The following PSG4 variants were observed in gnomAD, a reference collection of about 807,000 sequenced individuals.
PSG4 encodes the protein pregnancy specific beta-1-glycoprotein 4, also known as pregnancy-specific beta-1-glycoprotein 4.
In PSG4, 61 loss-of-function variants were observed where a neutral mutation model predicts 44.3. That is an observed-to-expected ratio of 1.38 (90% confidence interval 1.12 to 1.70). The LOEUF is 1.70. Ranked by LOEUF, PSG4 falls within the 40% of genes most tolerant of loss-of-function variation. The probability of loss-of-function intolerance (pLI) is 0.00; values close to 1 mark genes in which losing one functional copy is unlikely to be tolerated. For synonymous variants in PSG4, 248 were observed against 191.3 expected, an observed-to-expected ratio of 1.30 and a Z score of -2.45; for missense variants, 677 against 511.7, an observed-to-expected ratio of 1.32 and a Z score of -3.12.
At chr19:43,202,492 G>T (rs1218549389) in intron 2 of PSG4, among the ~76,000 whole-genome samples, 2 of 144,858 alleles carry the variant, frequency 1.4e-5, no homozygotes, top group African/African-American at 5.3e-5. Context: ...AGTCTCTAAA[G>T]AGGTTTTGGA....
In PSG4 at chr19:43,202,160, T is replaced by G. The variant is rs1468716742; in HGVS notation, c.430+1726A>C. Among the ~76,000 whole-genome samples, 2 of 145,618 alleles carry G rather than the reference T, an allele frequency of 1.4e-5. 1 individual carries two copies. The highest frequency in any genetic ancestry group is 5.2e-5 in the African/African-American group (2 of 38,318). ...AAGGCCTAGGGGTGGGGGAAGAAGC[T>G]GTGCAGGACAGGGCTTGCCAGTCAG... is the stretch of plus-strand genomic sequence containing the variant. On this transcript the variant is annotated intron_variant, in intron 2 of 5. Coordinates refer to ENST00000405312, the MANE Select transcript of PSG4 (RefSeq NM_002780.5).
intron 3 of PSG4, 131 bp from the exon 4 acceptor site, chr19:43,195,404 C>G (rs1967199607): frequency 1.7e-5 from 25 of 1,431,024 alleles, no homozygotes; most frequent in Admixed American, 8.2e-5. Context: ...GCTGGTGCTT[C>G]TGTCACAAGA....
rs1186271442 is a variant in PSG4 at position 43,198,005 on chromosome 19, T to C, written c.701A>G (p.Asn234Ser). ...GAACAGAGGATACTCACGGAGGAGA[T>C]TCAGGGTGACTGGGTCACTGCGGCT... Reference protein sequence around the residue: ...SASRSDPVTLNLLPKLSKPYI... With the variant: ...SASRSDPVTLSLLPKLSKPYI... The change falls in exon 3 of 6, where the codon AAT becomes AGT. Residue 234 changes from asparagine (N) to serine (S), a missense_variant. By Grantham distance (46) the Asn-to-Ser change is conservative (BLOSUM62 1). Transcript: ENST00000405312. 4 of 1,587,648 alleles carry C rather than the reference T, an allele frequency of 2.5e-6. No individual in the cohort carries two copies. Among genetic ancestry groups the C allele is most frequent in the Non-Finnish European group, 2.6e-6 (3 of 1,171,894 alleles).
intron 2 of PSG4, chr19:43,203,202 CCTT>C (rs1967599988): frequency 6.8e-6 from 1 of 146,712 alleles, no homozygotes; most frequent in Non-Finnish European, 1.5e-5. Context: ...TACATCTTCT[CCTT>C]CTGTTTCTGC....
In PSG4 at chr19:43,198,279, T is replaced by G. The variant is rs1599772820; in HGVS notation, c.431-4A>C. ...ATGGAGGGCTTGGGAGTCTCCACTG[T>G]GCAGAAAACAGAGAGAGGTTTGCCC... On this transcript the variant is annotated splice_polypyrimidine_tract_variant and splice_region_variant and intron_variant, in intron 2 of 5. Transcript: ENST00000405312. 2 of 1,582,538 alleles carry G rather than the reference T, an allele frequency of 1.3e-6. 1 individual carries two copies. Among genetic ancestry groups the G allele is most frequent in the African/African-American group, 2.9e-5 (2 of 69,038 alleles).
At chr19:43,203,713 C>T in intron 2 of PSG4, 173 bp downstream of exon 2, 1 of 1,232,356 alleles carries the variant, frequency 8.1e-7, no homozygotes, top group South Asian at 1.5e-5. Context: ...GAAAGGAATT[C>T]TGATCTGTTG....
Position 43,194,115 on chromosome 19 carries a change from G to A in PSG4, c.1243+225C>T, listed in dbSNP as rs528963521. 202 of 1,335,502 alleles carry A rather than the reference G, an allele frequency of 1.5e-4. 3 individuals carry two copies. The Middle Eastern group carries it at 2.2e-3, about 14-fold the overall frequency. 82.7% of individuals were successfully genotyped at this position (1,335,502 alleles called of 1,614,324 possible). ...TGTCAATTATTTCAATGAAATCAAT[G>A]TTTCTCCTGCTTGGTCTAGGCTGGG... On this transcript the variant is annotated intron_variant, in intron 5 of 5. Transcript: ENST00000405312.
Position 43,195,090 on chromosome 19 carries a change from G to C in PSG4, c.893C>G (p.Pro298Arg), listed in dbSNP as rs187962825. The change falls in exon 4 of 6, where the codon CCC (proline) becomes CGC (arginine). Residue 298 changes from proline (P) to arginine (R), a missense_variant. Transcript: ENST00000405312. ...RPIENRILIL[P>R]NVTRNETGPY... is the part of the protein sequence containing the mutation. The stretch of plus-strand genomic sequence containing the variant: ...TCCTGTTTCATTTCTCGTGACATTG[G>C]GTAGAATGAGGATCCTGTTTTCAAT... 4.8e-4 allele frequency: 770 copies of C among 1,611,002 alleles called. 10 individuals are homozygous for C. Among genetic ancestry groups the C allele is most frequent in the Non-Finnish European group, 1.8e-4 (207 of 1,179,060 alleles).
chr19:43,195,087 T>G lies in PSG4; in HGVS notation c.896A>C (p.Asn299Thr). 6.2e-7 allele frequency: 1 copy of G among 1,611,100 alleles called. No individual in the cohort carries two copies. Among genetic ancestry groups the G allele is most frequent in the South Asian group, 1.1e-5 (1 of 90,968 alleles). Residue 299 changes from asparagine to threonine, a missense_variant, in exon 4 of 6, where the codon AAT (asparagine) becomes ACT (threonine). Asn to Thr is a moderately conservative substitution (Grantham distance 65, BLOSUM62 0). Transcript: ENST00000405312. ...AGGTCCTGTTTCATTTCTCGTGACA[T>G]TGGGTAGAATGAGGATCCTGTTTTC... ...PIENRILILPNVTRNETGPYQ... is the reference protein window; with the variant it reads ...PIENRILILPTVTRNETGPYQ...
rs768031246 is a variant in PSG4, at chr19:43,194,587, T to C, written c.996A>G (p.Pro332=). 17 of 1,609,870 alleles carry C rather than the reference T, an allele frequency of 1.1e-5. 1 individual carries two copies. Among genetic ancestry groups the C allele is most frequent in the Non-Finnish European group, 1.4e-5 (16 of 1,177,582 alleles). Residue 332 remains proline (P), a synonymous_variant, in exon 5 of 6, where the codon CCA becomes CCG. Coordinates refer to ENST00000405312, the MANE Select transcript of PSG4 (RefSeq NM_002780.5). ...DPVTLNVLYG[P]DLPSIYPSFT... ...ATGAAGGGTAAATGCTGGGGAGGTC[T>C]GGACCATCTGGCGCAAAGAGAATAA...
rs1967209299 is a variant in PSG4 at position 43,195,586 on chromosome 19, T to A, written c.710-313A>T. On this transcript the variant is annotated intron_variant, in intron 3 of 5. Transcript: ENST00000405312. ...CCCAGTCCCTCCCTAATCAGTTAAC[T>A]TGCTGGCTCACCTTGGGTTCCTTAC... 1.3e-5 allele frequency among the ~76,000 whole-genome samples: 2 copies of A among 151,362 alleles called. 1 individual carries two copies. Among genetic ancestry groups the A allele is most frequent in the South Asian group, 4.2e-4 (2 of 4,812 alleles).
At chr19:43,196,144 T>C (rs1161850720) in intron 3 of PSG4, among the ~76,000 whole-genome samples, 1 of 151,772 alleles carries the variant, frequency 6.6e-6, no homozygotes, top group Non-Finnish European at 1.5e-5. Flanking sequence ...AATCTGGTCC[T>C]CATGGACCAT....
rs1342128142 is a variant in PSG4 at position 43,199,664 on chromosome 19, T to A, written c.431-1389A>T. 2.1e-5 allele frequency among the ~76,000 whole-genome samples: 3 copies of A among 144,996 alleles called. 1 individual carries two copies. The highest frequency in any genetic ancestry group is 8.0e-5 in the African/African-American group (3 of 37,686). ...TGCTCAATTTGTAATACTGTAATTT[T>A]CCCGTAAAAAGTTGTCAGGAATTTA... On this transcript the variant is annotated intron_variant, in intron 2 of 5. Coordinates refer to ENST00000405312, the MANE Select transcript of PSG4 (RefSeq NM_002780.5).
chr19:43,199,289 G>A (rs200430532), intron 2 of PSG4, among the ~76,000 whole-genome samples: 2 of 144,962 alleles, frequency 1.4e-5, no homozygotes, highest in Admixed American at 6.9e-5. Context: ...GTGAATCAGA[G>A]AGTAGAATAG....
intron 3 of PSG4, 43 bp downstream of exon 3, chr19:43,197,954 T>C (rs2122319593): frequency 6.3e-7 from 1 of 1,586,794 alleles, no homozygotes; most frequent in East Asian, 2.7e-5. Context: ...CCATGTGTAT[T>C]TGGGATGGCA....
chr19:43,202,415 G>A (rs1400704594), intron 2 of PSG4, among the ~76,000 whole-genome samples: 4 of 144,820 alleles, frequency 2.8e-5, no homozygotes, highest in South Asian at 2.2e-4. Context: ...TGAAACGTGG[G>A]TGTCAGCCTC....
At position 43,198,389 on chromosome 19, in the gene PSG4, G is replaced by T. The variant is rs1356889814; in HGVS notation, c.431-114C>A. ...TCTCAGCCCACCCAAGTCCTTAAAA[G>T]CCCATGGAAGATGTGTGTGTTAAAG... is the stretch of plus-strand genomic sequence containing the variant. On this transcript the variant is annotated intron_variant, in intron 2 of 5. Transcript: ENST00000405312. The T allele has an allele frequency of 2.3e-5, 34 of 1,452,834 alleles. 3 individuals are homozygous for T. The highest frequency in any genetic ancestry group is 2.8e-5 in the Non-Finnish European group (31 of 1,094,060). 90.0% of individuals were successfully genotyped at this position (1,452,834 alleles called of 1,614,324 possible).
At chr19:43,200,726 C>T (rs1967470445) in intron 2 of PSG4, among the ~76,000 whole-genome samples, 1 of 145,444 alleles carries the variant, frequency 6.9e-6, no homozygotes, top group African/African-American at 2.6e-5. Context: ...CAGGCATCCG[C>T]CACCAAGCCC....
chr19:43,203,350 C>T (rs1223105200), intron 2 of PSG4: 1 of 151,460 alleles, frequency 6.6e-6, no homozygotes, highest in Non-Finnish European at 1.4e-5. Flanking sequence ...AGGGCTGAGC[C>T]CTGGCTGGTG....
Sources: gnomAD v4.1 joint callset for allele counts (sites outside exome capture counted in the v4.1 genomes callset) on GRCh38, gnomAD v4.1.1 for gene constraint, MANE v1.5 for transcripts, NCBI Gene and HGNC (gene_info 2026-07-23, HGNC 2026-07-21) for gene names.